FHOD3: variants seen among roughly 807,000 people sequenced by gnomAD.
The protein encoded by FHOD3 is FH1/FH2 domain-containing protein 3.
In FHOD3, 90 loss-of-function variants were observed where a neutral mutation model predicts 173.0. That is an observed-to-expected ratio of 0.52 (90% CI 0.44 to 0.62). The LOEUF (loss-of-function observed/expected upper bound fraction) is 0.62. FHOD3 is among the 20% of genes least tolerant of loss of function. The probability of loss-of-function intolerance (pLI) is 0.00; values close to 1 mark genes in which losing one functional copy is unlikely to be tolerated. For synonymous variants in FHOD3, 828 were observed against 823.0 expected (o/e 1.01, Z -0.10); for missense variants, 1,945 against 2,034.7 (o/e 0.96, Z 0.85).
chr18:36,617,610 T>TGTGTGTGTGTGCGTGTGC (rs34321745), intron 9 of FHOD3, among the ~76,000 whole-genome samples: 1 of 146,006 alleles, frequency 6.8e-6, no homozygotes, highest in Non-Finnish European at 1.5e-5. Flanking sequence ...TGTGTGTGTG[T>TGTGTGTGTGTGCGTGTGC]GTGTGTGTGC....
At chr18:36,636,070 T>C (rs2034861565) in intron 10 of FHOD3, among the ~76,000 whole-genome samples, 2 of 152,200 alleles carry the variant, frequency 1.3e-5, no homozygotes, top group African/African-American at 4.8e-5. Flanking sequence ...TTGAATCTTT[T>C]ACTTGCTTTG....
chr18:36,530,912 T>A (rs1254380857), intron 5 of FHOD3, among the ~76,000 whole-genome samples: 1 of 152,172 alleles, frequency 6.6e-6, no homozygotes, highest in Admixed American at 6.5e-5. Flanking sequence ...GGTGAGTGAC[T>A]GTGTGACTGA....
intron 17 of FHOD3, among the ~76,000 whole-genome samples, chr18:36,700,509 C>T (rs1049379720): frequency 1.3e-5 from 2 of 152,208 alleles, no homozygotes; most frequent in African/African-American, 4.8e-5. Context: ...TCCAATCAAT[C>T]CCCAAGTGTC....
chr18:36,576,407 C>A (rs1381007567), intron 5 of FHOD3, 44 bp from the exon 6 acceptor site: 3 of 1,377,064 alleles, frequency 2.2e-6, no homozygotes, highest in Admixed American at 1.8e-5. Context: ...GATTATATTT[C>A]TATATACATC....
chr18:36,718,138 GGGA>G lies in FHOD3; in HGVS notation c.2841_2843del (p.Asp948del). On this transcript the variant is annotated inframe_deletion, in exon 19 of 29. Coordinates refer to ENST00000590592, the MANE Select transcript of FHOD3 (RefSeq NM_001281740.3). ...GCATTTGCTGAGAAATTCAACAGTG[GGGA>G]CCTGGGGAGAGGTTCCATCTCCCCT... 1 of 1,605,894 alleles carries G rather than the reference GGGA, an allele frequency of 6.2e-7. No individual in the cohort carries two copies. Among genetic ancestry groups the G allele is most frequent in the Non-Finnish European group, 8.5e-7 (1 of 1,175,718 alleles).
At chr18:36,368,854 C>G (rs1178288719) in intron 2 of FHOD3, among the ~76,000 whole-genome samples, 1 of 152,044 alleles carries the variant, frequency 6.6e-6, no homozygotes, top group Non-Finnish European at 1.5e-5. Flanking sequence ...AACTCACTAT[C>G]ACAAGAACAG....
At position 36,611,949 on chromosome 18, in the gene FHOD3, C is replaced by A. The variant is rs1466019935; in HGVS notation, c.814-3C>A. 1.9e-6 allele frequency: 3 copies of A among 1,612,780 alleles called. No individual in the cohort carries two copies. The highest frequency in any genetic ancestry group is 2.2e-5 in the South Asian group (2 of 90,772). On this transcript the variant is annotated splice_polypyrimidine_tract_variant and splice_region_variant and intron_variant, in intron 8 of 28. Transcript: ENST00000590592. The stretch of plus-strand genomic sequence containing the variant: ...TCTGTAGCTGGTTCTTCTCTTCTTC[C>A]AGACGTTATCAGGACTACCAGACCA...
intron 24 of FHOD3, among the ~76,000 whole-genome samples, chr18:36,750,105 C>T (rs557128018): frequency 3.3e-5 from 5 of 152,132 alleles, no homozygotes; most frequent in East Asian, 1.9e-4. Context: ...CTGGCTAACA[C>T]GGTGAAACCC....
intron 5 of FHOD3, among the ~76,000 whole-genome samples, chr18:36,516,076 G>A (rs1362082250): frequency 6.6e-6 from 1 of 152,190 alleles, no homozygotes; most frequent in South Asian, 2.1e-4. Context: ...TTCATACATG[G>A]AGTCACTCCT....
At chr18:36,562,799 G>A (rs1478206164) in intron 5 of FHOD3, among the ~76,000 whole-genome samples, 1 of 152,304 alleles carries the variant, frequency 6.6e-6, no homozygotes, top group Admixed American at 6.5e-5. Context: ...GGCCATACAG[G>A]AGACTCACCT....
At chr18:36,629,359 T>A (rs1465569210) in intron 10 of FHOD3, among the ~76,000 whole-genome samples, 1 of 152,208 alleles carries the variant, frequency 6.6e-6, no homozygotes. Context: ...GAATTTTACA[T>A]GTCATGAAAT....
In FHOD3 at chr18:36,365,072, G is replaced by T. The variant is rs922778227; in HGVS notation, c.273-7608G>T. Among the ~76,000 whole-genome samples, 3 of 152,232 alleles carry T rather than the reference G, an allele frequency of 2.0e-5. No individual in the cohort carries two copies. In the East Asian group the frequency reaches 5.8e-4, roughly 29 times the overall value. ...AGAATGAGCTAATCAAGATGTCAAG[G>T]ACCTCATACCAGACACAAAGATGAA... On this transcript the variant is annotated intron_variant, in intron 2 of 28. Transcript: ENST00000590592.
intron 3 of FHOD3, among the ~76,000 whole-genome samples, chr18:36,453,520 C>G (rs1372373611): frequency 2.0e-5 from 3 of 152,260 alleles, no homozygotes; most frequent in Non-Finnish European, 1.5e-5. Flanking sequence ...CGCAATGCAG[C>G]CTCCAGGAGA....
chr18:36,748,382 A>AACACACACACACACACAC (rs532609709), intron 24 of FHOD3, among the ~76,000 whole-genome samples: 1 of 143,484 alleles, frequency 7.0e-6, no homozygotes, highest in Non-Finnish European at 1.5e-5. Context: ...ACACACACAC[A>AACACACACACACACACAC]ACACACACAC....
At chr18:36,715,158 C>T (rs1412235723) in intron 18 of FHOD3, among the ~76,000 whole-genome samples, 2 of 152,214 alleles carry the variant, frequency 1.3e-5, no homozygotes, top group African/African-American at 4.8e-5. Flanking sequence ...CAAATCTCAT[C>T]TTGAATTATA....
At chr18:36,568,071 C>T (rs1003619287) in intron 5 of FHOD3, among the ~76,000 whole-genome samples, 1 of 151,130 alleles carries the variant, frequency 6.6e-6, no homozygotes, top group Non-Finnish European at 1.5e-5. Flanking sequence ...AGCCTGTAAT[C>T]CCAGCACTTT....
chr18:36,717,795 T>G (rs1318114175), intron 18 of FHOD3, 37 bp from the exon 19 acceptor site: 1 of 1,526,772 alleles, frequency 6.5e-7, no homozygotes, highest in East Asian at 2.3e-5. Context: ...GAGGCCCCCT[T>G]GCCCCTTTCT....
In FHOD3 at chr18:36,757,913, C is replaced by A. The variant is rs536522058; in HGVS notation, c.4426-1205C>A. On this transcript the variant is annotated intron_variant, in intron 25 of 28. Transcript: ENST00000590592. ...GTGAGGTGGGCTGTGAGAACCCAGG[C>A]TGGTCAATCCCAGGCCTCCCACGTT... 3.9e-5 allele frequency among the ~76,000 whole-genome samples: 6 copies of A among 152,358 alleles called. No homozygotes were observed. In the South Asian group the frequency reaches 1.2e-3, roughly 32 times the overall value.
chr18:36,374,230 T>C (rs1431606403), intron 3 of FHOD3, among the ~76,000 whole-genome samples: 1 of 152,212 alleles, frequency 6.6e-6, no homozygotes, highest in East Asian at 1.9e-4. Flanking sequence ...TCTTATGAAC[T>C]TCTGTATCCT....
Sources: allele counts gnomAD v4.1 joint callset (sites outside exome capture counted in the v4.1 genomes callset), GRCh38; gene constraint gnomAD v4.1.1; transcripts MANE v1.5; gene names NCBI Gene and HGNC (gene_info 2026-07-23, HGNC 2026-07-21).